Variants in GPRIN3 observed in about 807,000 individuals in gnomAD.
GPRIN3 encodes GPRIN family member 3, also known as G protein-regulated inducer of neurite outgrowth 3.
GPRIN3 carries 12 observed loss-of-function variants against 13.7 expected under a neutral mutation model. The observed-to-expected ratio is 0.87, with a 90% confidence interval of 0.56 to 1.42. GPRIN3 has a LOEUF of 1.42. Ranked by LOEUF, GPRIN3 falls within the 40% of genes most tolerant of loss-of-function variation. The probability of loss-of-function intolerance (pLI) is 0.00; values close to 1 mark genes in which losing one functional copy is unlikely to be tolerated. For missense variants in GPRIN3, 1,009 were observed against 958.7 expected (o/e 1.05, Z -0.69); for synonymous variants, 377 against 372.7 (o/e 1.01, Z -0.13).
In GPRIN3 at chr4:89,241,319, T is replaced by C. The variant is rs1722939876; in HGVS notation, c.*6461A>G. ...TTGGCTTTATTCATGTATGTACATA[T>C]GCCTGCCTGAATACAGAAATTGGCC... On this transcript the variant is annotated 3_prime_UTR_variant, in exon 2 of 2. Coordinates refer to ENST00000609438, the MANE Select transcript of GPRIN3 (RefSeq NM_198281.3). 6.6e-6 allele frequency: 1 copy of C among 152,204 alleles called. No homozygotes were observed. Among genetic ancestry groups the C allele is most frequent in the African/African-American group, 2.4e-5 (1 of 41,460 alleles). 9.4% of individuals were successfully genotyped at this position (152,204 alleles called of 1,614,324 possible).
At chr4:89,305,574 GTCC>G (rs1388402404) in intron 1 of GPRIN3, among the ~76,000 whole-genome samples, 2 of 152,174 alleles carry the variant, frequency 1.3e-5, no homozygotes, top group Non-Finnish European at 2.9e-5. Flanking sequence ...AGAATCATGT[GTCC>G]TCCTTCTCTG....
In GPRIN3 at chr4:89,239,033, T is replaced by C. The variant is rs1722854711; in HGVS notation, c.*8747A>G. ...ATTCCAAAATCTTACTTCATCTTTGTATAAATTATAACATTTCTTCTTTTT... is the reference window on the plus strand; with the variant it reads ...ATTCCAAAATCTTACTTCATCTTTGCATAAATTATAACATTTCTTCTTTTT... On this transcript the variant is annotated 3_prime_UTR_variant, in exon 2 of 2. Coordinates refer to ENST00000609438, the MANE Select transcript of GPRIN3 (RefSeq NM_198281.3). 6.6e-6 allele frequency: 1 copy of C among 152,214 alleles called. No homozygotes were observed. The allele number at this position is 152,214 out of a possible 1,614,324, so 9.4% of individuals were successfully genotyped here.
intron 1 of GPRIN3, among the ~76,000 whole-genome samples, chr4:89,260,397 T>C (rs940426722): frequency 6.6e-6 from 1 of 152,166 alleles, no homozygotes; most frequent in Non-Finnish European, 1.5e-5. Flanking sequence ...GGCCACAATC[T>C]TCAGGTTTGA....
chr4:89,286,504 A>G (rs1561221647), intron 1 of GPRIN3, among the ~76,000 whole-genome samples: 1 of 152,108 alleles, frequency 6.6e-6, no homozygotes, highest in Non-Finnish European at 1.5e-5. Context: ...AATCTACCTC[A>G]TCATATTCAG....
chr4:89,249,510 T>C lies in GPRIN3; in HGVS notation c.601A>G (p.Thr201Ala), dbSNP rs1723251215. ...ACCACCCTGGCTGCTGTCACTGGAG[T>C]CTGCACTGTTCCCTGGATTGTTTCT... is the stretch of plus-strand genomic sequence containing the variant. ...SPETIQGTVQ[T>A]PVTAARVVSH... Residue 201 changes from threonine to alanine, a missense_variant, in exon 2 of 2, where the codon ACT becomes GCT. Thr to Ala is a moderately conservative substitution (Grantham distance 58). Transcript: ENST00000609438. 6 of 1,613,834 alleles carry C rather than the reference T, an allele frequency of 3.7e-6. No homozygotes were observed. Among genetic ancestry groups the C allele is most frequent in the African/African-American group, 1.3e-5 (1 of 74,850 alleles).
intron 1 of GPRIN3, among the ~76,000 whole-genome samples, chr4:89,289,442 T>C (rs80056664): frequency 3.1e-4 from 47 of 152,192 alleles, no homozygotes; most frequent in Non-Finnish European, 8.8e-5. Context: ...AGTCACCAAC[T>C]CCTGTGGCAT....
At chr4:89,257,558 T>C (rs898891574) in intron 1 of GPRIN3, among the ~76,000 whole-genome samples, 3 of 152,234 alleles carry the variant, frequency 2.0e-5, no homozygotes, top group Non-Finnish European at 2.9e-5. Context: ...GGTCTTACTA[T>C]GTGCCCTGCT....
chr4:89,257,476 T>G (rs1261450737), intron 1 of GPRIN3, among the ~76,000 whole-genome samples: 2 of 152,220 alleles, frequency 1.3e-5, no homozygotes, highest in African/African-American at 4.8e-5. Context: ...AGCACTTATT[T>G]CTTGCTTTCT....
At chr4:89,290,474 A>C (rs1339931276) in intron 1 of GPRIN3, among the ~76,000 whole-genome samples, 2 of 152,070 alleles carry the variant, frequency 1.3e-5, no homozygotes, top group Non-Finnish European at 2.9e-5. Flanking sequence ...GGCAGGAAGG[A>C]TCCATTTCTC....
intron 1 of GPRIN3, among the ~76,000 whole-genome samples, chr4:89,258,765 A>G (rs748353440): frequency 3.2e-4 from 49 of 152,202 alleles, no homozygotes; most frequent in Non-Finnish European, 5.1e-4. Flanking sequence ...CCTTCAGCTT[A>G]AAATAGTCAC....
At chr4:89,270,896 T>C (rs1578093820) in intron 1 of GPRIN3, among the ~76,000 whole-genome samples, 1 of 152,148 alleles carries the variant, frequency 6.6e-6, no homozygotes, top group Middle Eastern at 3.4e-3. Context: ...AGAATAAATA[T>C]GCATTGTGGA....
At chr4:89,278,378 G>A (rs1004341591) in intron 1 of GPRIN3, among the ~76,000 whole-genome samples, 43 of 151,988 alleles carry the variant, frequency 2.8e-4, no homozygotes, top group African/African-American at 1.0e-3. Context: ...GAGAGCTTTC[G>A]TTCATTTGCC....
At position 89,237,087 on chromosome 4, in the gene GPRIN3, A is replaced by G. The variant is rs1401201205; in HGVS notation, c.*10693T>C. On this transcript the variant is annotated 3_prime_UTR_variant, in exon 2 of 2. Transcript: ENST00000609438. ...TGATTGAGAGACGTCAAGCGGGACT[A>G]AAAAAGGTGTAGGGAAATACCATTC... The G allele has an allele frequency of 6.6e-6, 1 of 152,172 alleles. No individual in the cohort carries two copies. Among genetic ancestry groups the G allele is most frequent in the Non-Finnish European group, 1.5e-5 (1 of 68,036 alleles). 9.4% of individuals were successfully genotyped at this position (152,172 alleles called of 1,614,324 possible). A position where few individuals can be genotyped will look rare whatever the true frequency, so the allele number is the denominator to read the frequency against.
At chr4:89,266,335 G>T (rs544514524) in intron 1 of GPRIN3, among the ~76,000 whole-genome samples, 1 of 152,318 alleles carries the variant, frequency 6.6e-6, no homozygotes, top group South Asian at 2.1e-4. Flanking sequence ...AATCCTGGCA[G>T]CTGGTGGGCC....
At chr4:89,255,090 T>C (rs1441942343) in intron 1 of GPRIN3, among the ~76,000 whole-genome samples, 1 of 152,200 alleles carries the variant, frequency 6.6e-6, no homozygotes, top group African/African-American at 2.4e-5. Flanking sequence ...CTAAGAGTAC[T>C]GACAGTAGAC....
chr4:89,243,984 A>G lies in GPRIN3; in HGVS notation c.*3796T>C, dbSNP rs907780092. The G allele has an allele frequency of 1.3e-5, 2 of 152,240 alleles. No individual in the cohort carries two copies. Among genetic ancestry groups the G allele is most frequent in the Non-Finnish European group, 2.9e-5 (2 of 68,036 alleles). The allele number at this position is 152,240 out of a possible 1,614,324, so 9.4% of individuals were successfully genotyped here. Reference sequence around the variant, plus strand: ...AGCAAAACAGTAACAAAGTGGATGCAGAAAAGGACAAACAATTTATATTAA... The same window carrying G: ...AGCAAAACAGTAACAAAGTGGATGCGGAAAAGGACAAACAATTTATATTAA... On this transcript the variant is annotated 3_prime_UTR_variant, in exon 2 of 2. Transcript: ENST00000609438.
chr4:89,244,263 A>G lies in GPRIN3; in HGVS notation c.*3517T>C, dbSNP rs1723025646. On this transcript the variant is annotated 3_prime_UTR_variant, in exon 2 of 2. Coordinates refer to ENST00000609438, the MANE Select transcript of GPRIN3 (RefSeq NM_198281.3). The stretch of plus-strand genomic sequence containing the variant: ...GGTTCTGAAATCCAACCTCTAAGGT[A>G]TATGTTACACATGCATATTTAGTTC... 6.6e-6 allele frequency: 1 copy of G among 152,200 alleles called. No individual in the cohort carries two copies. The highest frequency in any genetic ancestry group is 6.5e-5 in the Admixed American group (1 of 15,284). 9.4% of individuals were successfully genotyped at this position (152,200 alleles called of 1,614,324 possible). A position where few individuals can be genotyped will look rare whatever the true frequency, so the allele number is the denominator to read the frequency against.
In GPRIN3 at chr4:89,248,728, G is replaced by T; in HGVS notation, c.1383C>A (p.Ser461Arg). 6.2e-7 allele frequency: 1 copy of T among 1,614,160 alleles called. No individual in the cohort carries two copies. Among genetic ancestry groups the T allele is most frequent in the Non-Finnish European group, 8.5e-7 (1 of 1,180,014 alleles). The change falls in exon 2 of 2, where the codon AGC becomes AGA. Residue 461 changes from serine (S) to arginine (R), a missense_variant. Physicochemically the swap from Ser to Arg is moderately radical, Grantham distance 110. Coordinates refer to ENST00000609438, the MANE Select transcript of GPRIN3 (RefSeq NM_198281.3). ...TAKKLAGTNS[S>R]SLKATAIDQI... is the part of the protein sequence containing the mutation. ...GGTCAATGGCGGTAGCTTTCAGGGA[G>T]CTAGAATTAGTACCTGCGAGCTTTT...
At chr4:89,265,595 A>AT (rs1268999204) in intron 1 of GPRIN3, among the ~76,000 whole-genome samples, 2 of 152,218 alleles carry the variant, frequency 1.3e-5, no homozygotes, top group Non-Finnish European at 2.9e-5. Context: ...CTAGGAACAT[A>AT]TGTTGACCTT....
Sources: allele counts gnomAD v4.1 joint callset (sites outside exome capture counted in the v4.1 genomes callset), GRCh38; gene constraint gnomAD v4.1.1; transcripts MANE v1.5; gene names NCBI Gene and HGNC (gene_info 2026-07-23, HGNC 2026-07-21).